The following UNC80 variants were observed in gnomAD, a reference collection of about 807,000 sequenced individuals.
UNC80 encodes the protein unc-80 subunit of NALCN channel complex.
Under a neutral mutation model 384.6 loss-of-function variants are expected in UNC80, and 164 were observed. The ratio of observed to expected loss-of-function variants is 0.43; its 90% confidence interval spans 0.38 to 0.49. UNC80 has a LOEUF of 0.49. Ranked by LOEUF, UNC80 falls within the 20% of genes least tolerant of loss-of-function variation. The pLI is 0.00. For synonymous variants in UNC80, 1,486 were observed against 1,527.8 expected, an observed-to-expected ratio of 0.97 and a Z score of 0.64; for missense variants, 3,330 against 4,143.0, an observed-to-expected ratio of 0.80 and a Z score of 5.39.
chr2:209,822,573 A>T (rs533557168), intron 13 of UNC80, among the ~76,000 whole-genome samples: 1 of 152,312 alleles, frequency 6.6e-6, no homozygotes, highest in African/African-American at 2.4e-5. Context: ...AAAAGAGAAT[A>T]TTATGAAATA....
chr2:209,890,537 T>G (rs1458947512), intron 26 of UNC80, among the ~76,000 whole-genome samples: 1 of 152,238 alleles, frequency 6.6e-6, no homozygotes, highest in Non-Finnish European at 1.5e-5. Context: ...GTGCAAGTGA[T>G]CATAAGATGT....
chr2:209,879,441 A>T (rs546088828), intron 24 of UNC80, among the ~76,000 whole-genome samples: 1 of 152,256 alleles, frequency 6.6e-6, no homozygotes, highest in African/African-American at 2.4e-5. Flanking sequence ...TTTTGTTGAG[A>T]CTAGGTAGAA....
intron 61 of UNC80, 69 bp from the exon 62 acceptor site, chr2:209,992,097 C>T (rs2093402825): frequency 3.7e-6 from 5 of 1,340,608 alleles, no homozygotes; most frequent in Non-Finnish European, 5.2e-6. Context: ...GTGATTTTGG[C>T]TAACACCCAC....
intron 56 of UNC80, among the ~76,000 whole-genome samples, chr2:209,974,771 C>G (rs560701003): frequency 6.6e-6 from 1 of 152,202 alleles, no homozygotes; most frequent in African/African-American, 2.4e-5. Flanking sequence ...TAGAATGAGT[C>G]TCTGTTCTTG....
At chr2:209,892,809 G>C (rs1324948970) in intron 26 of UNC80, among the ~76,000 whole-genome samples, 1 of 152,166 alleles carries the variant, frequency 6.6e-6, no homozygotes, top group Non-Finnish European at 1.5e-5. Flanking sequence ...ATATTGAAAA[G>C]TATAGTGTGT....
chr2:209,793,614 A>C, intron 6 of UNC80, 106 bp from the exon 7 acceptor site: 1 of 1,382,036 alleles, frequency 7.2e-7, no homozygotes, highest in South Asian at 1.6e-5. Flanking sequence ...AAAAGCCCAT[A>C]TATGGAACCA....
At chr2:209,845,510 C>T (rs1408733248) in intron 21 of UNC80, among the ~76,000 whole-genome samples, 1 of 152,110 alleles carries the variant, frequency 6.6e-6, no homozygotes, top group Admixed American at 6.6e-5. Context: ...TTAGCCATTG[C>T]TTCGTATATT....
intron 25 of UNC80, among the ~76,000 whole-genome samples, chr2:209,884,686 G>A (rs1297826258): frequency 1.3e-5 from 2 of 152,226 alleles, no homozygotes; most frequent in Middle Eastern, 3.4e-3. Flanking sequence ...AGAAAATGTT[G>A]TACATATACA....
At chr2:209,792,036 G>T (rs1407533201) in intron 6 of UNC80, among the ~76,000 whole-genome samples, 1 of 152,078 alleles carries the variant, frequency 6.6e-6, no homozygotes, top group Non-Finnish European at 1.5e-5. Context: ...TGGCATGGTG[G>T]CTCATACCTG....
At chr2:209,808,575 CCCAGCCAGGCCCGGCCCACTTG>C (rs2079072690) in intron 7 of UNC80, among the ~76,000 whole-genome samples, 2 of 151,752 alleles carry the variant, frequency 1.3e-5, no homozygotes, top group Non-Finnish European at 2.9e-5. Context: ...ACTGCGCGAG[CCCAGCCAGGCCCGGCCCACTTG>C]CTCAGAGCGT....
intron 18 of UNC80, among the ~76,000 whole-genome samples, chr2:209,838,022 C>T (rs1001680095): frequency 5.9e-5 from 9 of 152,086 alleles, no homozygotes; most frequent in South Asian, 2.1e-4. Flanking sequence ...CCGCCTGCCT[C>T]GGCCTCCCAA....
At chr2:209,900,003 G>A (rs574217752) in intron 28 of UNC80, among the ~76,000 whole-genome samples, 7 of 152,200 alleles carry the variant, frequency 4.6e-5, no homozygotes, top group African/African-American at 1.7e-4. Flanking sequence ...TAGCTTCTTG[G>A]CCAGTTATGC....
chr2:209,802,185 A>G (rs2078604793), intron 7 of UNC80, among the ~76,000 whole-genome samples: 1 of 152,124 alleles, frequency 6.6e-6, no homozygotes, highest in East Asian at 1.9e-4. Flanking sequence ...TGTTGATCAA[A>G]GGGTATAAAA....
At chr2:209,956,157 A>G (rs1056450103) in intron 48 of UNC80, among the ~76,000 whole-genome samples, 1 of 152,218 alleles carries the variant, frequency 6.6e-6, no homozygotes, top group Admixed American at 6.5e-5. Flanking sequence ...ACAAAGAGTT[A>G]TGGATGGAGC....
intron 30 of UNC80, among the ~76,000 whole-genome samples, chr2:209,912,905 C>T (rs1052447760): frequency 6.6e-6 from 1 of 152,188 alleles, no homozygotes. Context: ...CACAGCTCTC[C>T]CCACTGTCTT....
chr2:209,992,434 A>T (rs1559453641), intron 62 of UNC80, among the ~76,000 whole-genome samples, 187 bp downstream of exon 62: 1 of 151,832 alleles, frequency 6.6e-6, no homozygotes, highest in African/African-American at 2.4e-5. Flanking sequence ...ACATAGTAAG[A>T]CTCTGTCTCT....
At chr2:209,948,969 T>A (rs1253880649) in intron 47 of UNC80, among the ~76,000 whole-genome samples, 2 of 152,222 alleles carry the variant, frequency 1.3e-5, no homozygotes, top group Non-Finnish European at 2.9e-5. Context: ...ATGATTTTTA[T>A]TCTTTATTTT....
chr2:209,879,999 G>A (rs1429035627), intron 24 of UNC80, among the ~76,000 whole-genome samples: 1 of 152,120 alleles, frequency 6.6e-6, no homozygotes, highest in Non-Finnish European at 1.5e-5. Flanking sequence ...GATATTTTTA[G>A]GACTGTTCAT....
At chr2:209,795,925 A>G (rs1429806682) in intron 7 of UNC80, 3 of 152,282 alleles carry the variant, frequency 2.0e-5, no homozygotes, top group Admixed American at 6.5e-5. Flanking sequence ...GGCCCCACAC[A>G]GAGTCCCTAA....
Sources: gnomAD v4.1 joint callset for allele counts (sites outside exome capture counted in the v4.1 genomes callset) on GRCh38, gnomAD v4.1.1 for gene constraint, MANE v1.5 for transcripts, NCBI Gene and HGNC (gene_info 2026-07-23, HGNC 2026-07-21) for gene names.